Variants in SCAI observed in about 807,000 individuals in gnomAD.
SCAI encodes protein SCAI.
In SCAI, 24 loss-of-function variants were observed where a neutral mutation model predicts 92.2. The observed-to-expected ratio is 0.26, with a 90% CI of 0.19 to 0.37. The LOEUF is 0.37. Ranked by LOEUF, SCAI falls within the 10% of genes least tolerant of loss-of-function variation. The probability of loss-of-function intolerance (pLI) is 1.00; values close to 1 mark genes in which losing one functional copy is unlikely to be tolerated. For missense variants in SCAI, 450 were observed against 736.2 expected (o/e 0.61, Z 4.50); for synonymous variants, 261 against 258.6 (o/e 1.01, Z -0.09).
chr9:125,118,670 C>T (rs1835100329), intron 2 of SCAI, among the ~76,000 whole-genome samples: 1 of 152,152 alleles, frequency 6.6e-6, no homozygotes, highest in Non-Finnish European at 1.5e-5. Flanking sequence ...TATACATTAG[C>T]TATTTGTGTC....
At chr9:125,031,290 G>A (rs751724500) in intron 3 of SCAI, among the ~76,000 whole-genome samples, 24 of 150,320 alleles carry the variant, frequency 1.6e-4, no homozygotes, top group Non-Finnish European at 3.1e-4. Flanking sequence ...AGATGGAGTC[G>A]CGCTCTTGCC....
At chr9:125,059,743 A>G (rs1833736969) in intron 2 of SCAI, among the ~76,000 whole-genome samples, 1 of 152,216 alleles carries the variant, frequency 6.6e-6, no homozygotes, top group African/African-American at 2.4e-5. Flanking sequence ...TAAATTACTC[A>G]TAACACAAGA....
chr9:124,963,797 A>G (rs887792624), intron 17 of SCAI, among the ~76,000 whole-genome samples: 4 of 149,984 alleles, frequency 2.7e-5, no homozygotes, highest in African/African-American at 9.8e-5. Context: ...AAAGAAAATC[A>G]TAAGGAAGAG....
chr9:125,026,257 C>T (rs988886309), intron 6 of SCAI, among the ~76,000 whole-genome samples: 3 of 151,968 alleles, frequency 2.0e-5, no homozygotes, highest in African/African-American at 7.3e-5. Context: ...GCCTGTAATC[C>T]CAGCTACTTG....
chr9:125,032,072 AAAG>A (rs1171373035), intron 3 of SCAI, among the ~76,000 whole-genome samples: 1 of 151,556 alleles, frequency 6.6e-6, no homozygotes, highest in Non-Finnish European at 1.5e-5. Flanking sequence ...TCAATTAAGA[AAAG>A]AAGTACAGGC....
intron 2 of SCAI, among the ~76,000 whole-genome samples, chr9:125,063,624 A>G (rs11789451): frequency 0.45 from 68,828 of 151,924 alleles, 16,260 homozygotes; most frequent in Non-Finnish European, 0.52. Flanking sequence ...ACATCAACCA[A>G]AAGGGAAGAA....
intron 14 of SCAI, among the ~76,000 whole-genome samples, chr9:124,989,868 C>G (rs529175739): frequency 1.6e-4 from 21 of 131,728 alleles, no homozygotes; most frequent in South Asian, 2.4e-4. Flanking sequence ...GGCTGACAGA[C>G]TGCATCTCAC....
At chr9:125,032,809 G>GA (rs1833107889) in intron 3 of SCAI, among the ~76,000 whole-genome samples, 1 of 151,202 alleles carries the variant, frequency 6.6e-6, no homozygotes, top group Non-Finnish European at 1.5e-5. Flanking sequence ...TAGAGAAGGG[G>GA]TTTCCCCATG....
chr9:125,058,114 T>A (rs1025324979), intron 2 of SCAI, among the ~76,000 whole-genome samples: 3 of 141,624 alleles, frequency 2.1e-5, no homozygotes, highest in African/African-American at 5.4e-5. Flanking sequence ...AAAAAAAAAA[T>A]TCTTTTTTAA....
chr9:125,106,040 T>C (rs1457705829), intron 2 of SCAI, among the ~76,000 whole-genome samples: 7 of 131,632 alleles, frequency 5.3e-5, no homozygotes, highest in South Asian at 2.5e-4. Flanking sequence ...GAGGTTGCAG[T>C]GAGCCAAGAT....
intron 2 of SCAI, among the ~76,000 whole-genome samples, chr9:125,116,915 T>C (rs935154257): frequency 1.3e-5 from 2 of 152,210 alleles, no homozygotes; most frequent in African/African-American, 2.4e-5. Context: ...CCCTTTCACT[T>C]ATCATATTTA....
At chr9:125,107,401 C>T (rs1834823104) in intron 2 of SCAI, among the ~76,000 whole-genome samples, 1 of 144,896 alleles carries the variant, frequency 6.9e-6, no homozygotes, top group Non-Finnish European at 1.5e-5. Context: ...GAGGGAGACA[C>T]TGTCTCAAAA....
chr9:125,006,445 A>C (rs1197553609), intron 9 of SCAI, among the ~76,000 whole-genome samples: 1 of 152,266 alleles, frequency 6.6e-6, no homozygotes, highest in African/African-American at 2.4e-5. Flanking sequence ...ATCATGATTA[A>C]GCCAATCAAA....
chr9:125,021,134 T>C (rs945198320), intron 6 of SCAI, among the ~76,000 whole-genome samples: 2 of 152,178 alleles, frequency 1.3e-5, no homozygotes, highest in African/African-American at 4.8e-5. Flanking sequence ...AATATAATGA[T>C]AGGAGAAATA....
chr9:124,998,723 G>A (rs967130500), intron 13 of SCAI, among the ~76,000 whole-genome samples: 1 of 152,108 alleles, frequency 6.6e-6, no homozygotes, highest in Non-Finnish European at 1.5e-5. Context: ...ATGGGTTCAA[G>A]TGATTCTCCT....
At chr9:125,015,561 A>G (rs971801520) in intron 9 of SCAI, among the ~76,000 whole-genome samples, 8 of 152,344 alleles carry the variant, frequency 5.3e-5, no homozygotes, top group African/African-American at 1.9e-4. Context: ...GAGAAATAGG[A>G]ACACTTTTAC....
At chr9:125,006,002 T>C (rs1333500849) in intron 9 of SCAI, among the ~76,000 whole-genome samples, 2 of 152,136 alleles carry the variant, frequency 1.3e-5, no homozygotes, top group Admixed American at 6.6e-5. Context: ...TATAAGGTTT[T>C]TCACTTAAAA....
chr9:125,070,082 T>C (rs1354652194), intron 2 of SCAI, among the ~76,000 whole-genome samples: 1 of 152,236 alleles, frequency 6.6e-6, no homozygotes, highest in East Asian at 1.9e-4. Context: ...TATGAAACTG[T>C]GCTATAAATT....
chr9:125,102,106 T>C (rs1834691472), intron 2 of SCAI, among the ~76,000 whole-genome samples: 1 of 152,102 alleles, frequency 6.6e-6, no homozygotes, highest in East Asian at 1.9e-4. Flanking sequence ...CTCCACACAC[T>C]AGACACCAGT....
Sources: gnomAD v4.1 joint callset for allele counts (sites outside exome capture counted in the v4.1 genomes callset) on GRCh38, gnomAD v4.1.1 for gene constraint, MANE v1.5 for transcripts, NCBI Gene and HGNC (gene_info 2026-07-23, HGNC 2026-07-21) for gene names.